The following SH3TC1 variants were observed in gnomAD, a reference collection of about 807,000 sequenced individuals.
SH3TC1 encodes the protein SH3 domain and tetratricopeptide repeats 1.
Under a neutral mutation model 117.3 loss-of-function variants are expected in SH3TC1, and 135 were observed. The observed-to-expected ratio is 1.15, with a 90% CI of 1.00 to 1.33. SH3TC1 has a LOEUF of 1.33. Among genes scored for constraint, SH3TC1 ranks in the 40% most tolerant of loss-of-function variants. The probability of loss-of-function intolerance (pLI) is 0.00; values close to 1 mark genes in which losing one functional copy is unlikely to be tolerated. For missense variants in SH3TC1, 2,092 were observed against 1,794.3 expected, an observed-to-expected ratio of 1.17 and a Z score of -3.00; for synonymous variants, 898 against 816.9, an observed-to-expected ratio of 1.10 and a Z score of -1.69.
chr4:8,205,201 A>G lies in SH3TC1; in HGVS notation c.7A>G (p.Asn3Asp), dbSNP rs1264784401. 1 of 1,530,056 alleles carries G rather than the reference A, an allele frequency of 6.5e-7. No homozygotes were observed. The highest frequency in any genetic ancestry group is 2.1e-5 in the Admixed American group (1 of 46,724). The allele number at this position is 1,530,056 out of a possible 1,614,324, so 94.8% of individuals were successfully genotyped here. The change falls in exon 2 of 18, where the codon AAC becomes GAC. Residue 3 changes from asparagine (N) to aspartate (D), a missense_variant. Physicochemically the swap from Asn to Asp is conservative, Grantham distance 23 (BLOSUM62 1). Coordinates refer to ENST00000245105, the MANE Select transcript of SH3TC1 (RefSeq NM_018986.5). This position sits in a 1 kb window ranked among gnomAD's most constrained non-coding sequence, Gnocchi z 5.4. The stretch of plus-strand genomic sequence containing the variant: ...TGTGAGGTCTCTGCGGGTCATGGAG[A>G]ACCTCCCTGCCGTGACCACTGAGGA... ME[N>D]LPAVTTEEPT...
chr4:8,219,894 A>G (rs1360094893), intron 9 of SH3TC1, among the ~76,000 whole-genome samples: 2 of 152,096 alleles, frequency 1.3e-5, no homozygotes, highest in Non-Finnish European at 2.9e-5. Context: ...GAAGGGCCAC[A>G]TTTTCTCTGG....
chr4:8,226,906 G>A lies in SH3TC1; in HGVS notation c.1286-74G>A, dbSNP rs570271367. On this transcript the variant is annotated intron_variant, in intron 11 of 17. Transcript: ENST00000245105. ...CCGGGGACACAGAGGCTGGGGATGA[G>A]GGGACCCTGCCCCCAGTGGACCCAG... is the stretch of plus-strand genomic sequence containing the variant. 71 of 1,166,510 alleles carry A rather than the reference G, an allele frequency of 6.1e-5. No homozygotes were observed. In the East Asian group the frequency reaches 9.1e-4, roughly 15 times the overall value. The allele number at this position is 1,166,510 out of a possible 1,614,324, so 72.3% of individuals were successfully genotyped here.
chr4:8,230,401 G>A (rs1259828828), intron 12 of SH3TC1, among the ~76,000 whole-genome samples: 1 of 152,128 alleles, frequency 6.6e-6, no homozygotes, highest in African/African-American at 2.4e-5. Context: ...CTCACAAAGT[G>A]CTGGGATGAC....
At chr4:8,184,069 C>T (rs969706266) in intron 1 of SH3TC1, among the ~76,000 whole-genome samples, 1 of 152,090 alleles carries the variant, frequency 6.6e-6, no homozygotes, top group African/African-American at 2.4e-5. Flanking sequence ...TCTTTTAGGC[C>T]CTCTCAGCTG....
chr4:8,184,420 C>T (rs1717165449), intron 1 of SH3TC1, among the ~76,000 whole-genome samples: 1 of 151,948 alleles, frequency 6.6e-6, no homozygotes, highest in African/African-American at 2.4e-5. Context: ...TTGCTCTGTG[C>T]CCCGGCTGGA....
intron 14 of SH3TC1, 147 bp from the exon 15 acceptor site, chr4:8,235,286 G>A (rs1240830426): frequency 3.2e-6 from 3 of 951,108 alleles, no homozygotes; most frequent in African/African-American, 3.4e-5. Context: ...CCAGCGGTGG[G>A]GGCGGCCCTA....
At chr4:8,191,281 G>A (rs1226335421) in intron 1 of SH3TC1, among the ~76,000 whole-genome samples, 3 of 152,040 alleles carry the variant, frequency 2.0e-5, no homozygotes, top group East Asian at 1.9e-4. Flanking sequence ...CGCCTGCCCC[G>A]ACAAATCAGG....
In SH3TC1 at chr4:8,186,266, C is replaced by A. The variant is rs1717220395; in HGVS notation, c.-57+4056C>A. Among the ~76,000 whole-genome samples, 2 of 152,168 alleles carry A rather than the reference C, an allele frequency of 1.3e-5. No homozygotes were observed. Among genetic ancestry groups the A allele is most frequent in the South Asian group, 4.1e-4 (2 of 4,832 alleles). ...ATGGGAGTGAGGAACATCAGACAAA[C>A]CCCAGTGCAAGCACAATCACAAAGA... On this transcript the variant is annotated intron_variant, in intron 1 of 16. Coordinates refer to the SH3TC1 transcript ENST00000508641. This position sits in a 1 kb window ranked among gnomAD's most constrained non-coding sequence, Gnocchi z 5.2.
chr4:8,232,292 T>C, intron 13 of SH3TC1, 136 bp downstream of exon 13: 1 of 1,459,284 alleles, frequency 6.9e-7, no homozygotes, highest in Admixed American at 1.9e-5. Context: ...CATCGGATGC[T>C]CTGAGCTGGG....
chr4:8,205,508 C>T lies in SH3TC1; in HGVS notation c.172+142C>T, dbSNP rs757562909. On this transcript the variant is annotated intron_variant, in intron 2 of 17. Transcript: ENST00000245105. The surrounding 1 kb of genome is among the most constrained non-coding windows in gnomAD (Gnocchi z 5.4). ...CTGGAGTCTGCTCTCCATCACTTCT[C>T]GTTTCCTTCCCCCGCGTGTGTTTAA... is the stretch of plus-strand genomic sequence containing the variant. 17 of 1,145,774 alleles carry T rather than the reference C, an allele frequency of 1.5e-5. No homozygotes were observed. The highest frequency in any genetic ancestry group is 6.1e-5 in the South Asian group (5 of 81,836). The allele number at this position is 1,145,774 out of a possible 1,614,324, so 71.0% of individuals were successfully genotyped here.
Position 8,228,184 on chromosome 4 carries a change from C to T in SH3TC1, c.2490C>T (p.Ala830=). The T allele has an allele frequency of 6.2e-7, 1 of 1,610,572 alleles. No homozygotes were observed. The highest frequency in any genetic ancestry group is 8.5e-7 in the Non-Finnish European group (1 of 1,178,398). The change falls in exon 12 of 18, where the codon GCC becomes GCT. Residue 830 remains alanine (A), a synonymous_variant. Coordinates refer to ENST00000245105, the MANE Select transcript of SH3TC1 (RefSeq NM_018986.5). ...GVRAIVDHLV[A]LAWLHVLHGQ... Reference sequence around the variant, plus strand: ...GTGCCATCGTGGACCACCTGGTGGCCCTGGCCTGGCTGCACGTGCTTCATG... The same window carrying T: ...GTGCCATCGTGGACCACCTGGTGGCTCTGGCCTGGCTGCACGTGCTTCATG...
At chr4:8,232,861 T>C (rs1721371021) in intron 13 of SH3TC1, 1 of 1,247,460 alleles carries the variant, frequency 8.0e-7, no homozygotes, top group Non-Finnish European at 1.0e-6. Context: ...GTTCTCAAAG[T>C]GTGGTCCCTG....
chr4:8,216,860 T>C lies in SH3TC1; in HGVS notation c.629-97T>C, dbSNP rs1719330797. On this transcript the variant is annotated intron_variant, in intron 6 of 17. Coordinates refer to ENST00000245105, the MANE Select transcript of SH3TC1 (RefSeq NM_018986.5). ...ACACTGGGGGGGCCGCTCCTGTGGGTGTTGCCTTCGTTGTCTGTCCGGCAG... is the reference window on the plus strand; with the variant it reads ...ACACTGGGGGGGCCGCTCCTGTGGGCGTTGCCTTCGTTGTCTGTCCGGCAG... The C allele has an allele frequency of 2.4e-5, 30 of 1,259,018 alleles. No homozygotes were observed. The South Asian group carries it at 3.4e-4, about 14-fold the overall frequency. 78.0% of individuals were successfully genotyped at this position (1,259,018 alleles called of 1,614,324 possible). A position where few individuals can be genotyped will look rare whatever the true frequency, so the allele number is the denominator to read the frequency against.
chr4:8,183,918 A>C lies in SH3TC1; in HGVS notation c.-57+1708A>C, dbSNP rs148057727. 9.1e-3 allele frequency among the ~76,000 whole-genome samples: 1,376 copies of C among 152,042 alleles called. 7 individuals are homozygous for C. Among genetic ancestry groups the C allele is most frequent in the African/African-American group, 0.015 (629 of 41,444 alleles). On this transcript the variant is annotated intron_variant, in intron 1 of 16. Coordinates refer to the SH3TC1 transcript ENST00000508641. This position sits in a 1 kb window ranked among gnomAD's most constrained non-coding sequence, Gnocchi z 5.4. ...GGGCATTCACCACCATGCCCAACTA[A>C]TTTTTGTATTTTTAGTAGATACGGG...
intron 13 of SH3TC1, chr4:8,232,365 G>A (rs973539918): frequency 1.3e-6 from 2 of 1,580,396 alleles, no homozygotes; most frequent in Non-Finnish European, 1.7e-6. Context: ...TTCCCTTGTT[G>A]GGTGACACGT....
chr4:8,219,119 C>G (rs977043782), intron 8 of SH3TC1, among the ~76,000 whole-genome samples: 1 of 152,196 alleles, frequency 6.6e-6, no homozygotes, highest in Non-Finnish European at 1.5e-5. Context: ...CTCTGAGCCT[C>G]CATTTTTCTC....
chr4:8,196,641 A>C (rs982938676), upstream of SH3TC1, among the ~76,000 whole-genome samples: 1 of 152,098 alleles, frequency 6.6e-6, no homozygotes, highest in African/African-American at 2.4e-5. This position sits in a 1 kb window ranked among gnomAD's most constrained non-coding sequence, Gnocchi z 4.6. Flanking sequence ...CAGTCCCCTG[A>C]GACAGGGGAG....
chr4:8,214,499 A>G lies in SH3TC1; in HGVS notation c.400A>G (p.Ile134Val). 6.2e-7 allele frequency: 1 copy of G among 1,613,980 alleles called. No individual in the cohort carries two copies. The part of the protein sequence containing the change: ...LGELSARLLS[I>V]HSDQDRIVVT... ...GGAATTATCAGCCAGGCTGCTGTCCATCCACAGTGACCAGGACCGGATCGT... is the reference window on the plus strand; with the variant it reads ...GGAATTATCAGCCAGGCTGCTGTCCGTCCACAGTGACCAGGACCGGATCGT... The change falls in exon 5 of 18, where the codon ATC becomes GTC. Residue 134 changes from isoleucine to valine, a missense_variant. By Grantham distance (29) the Ile-to-Val change is conservative. Transcript: ENST00000245105.
Position 8,237,633 on chromosome 4 carries a change from AC to A in SH3TC1, c.3718del (p.Leu1240TrpfsTer11). On this transcript the variant is annotated frameshift_variant, in exon 17 of 18. Coordinates refer to ENST00000245105, the MANE Select transcript of SH3TC1 (RefSeq NM_018986.5). LOFTEE classifies it low-confidence loss of function (END_TRUNC). Reference sequence around the variant, plus strand: ...GAGACCCTCTACTACGTGAAGGTGTACCTGGTGCTCGGTGACATCATCTTCT... The same window carrying A: ...GAGACCCTCTACTACGTGAAGGTGTACTGGTGCTCGGTGACATCATCTTCT... ...DEETLYYVKVYLVLGDIIFYD... is the reference protein window; with the variant it reads ...DEETLYYVKVXLVLGDIIFYD... 1 of 1,610,352 alleles carries A rather than the reference AC, an allele frequency of 6.2e-7. No homozygotes were observed. Among genetic ancestry groups the A allele is most frequent in the South Asian group, 1.1e-5 (1 of 90,472 alleles).
Sources: allele counts gnomAD v4.1 joint callset (sites outside exome capture counted in the v4.1 genomes callset), GRCh38; gene constraint gnomAD v4.1.1; non-coding constraint Gnocchi (gnomAD v3.1); transcripts MANE v1.5; gene names NCBI Gene and HGNC (gene_info 2026-07-23, HGNC 2026-07-21).